The following PTCHD4 variants were observed in gnomAD, a reference collection of about 807,000 sequenced individuals.
PTCHD4 encodes patched domain-containing protein 4.
A neutral mutation model predicts 58.1 loss-of-function variants in PTCHD4; 33 were observed. The ratio of observed to expected loss-of-function variants is 0.57; its 90% CI spans 0.43 to 0.76. The LOEUF (loss-of-function observed/expected upper bound fraction) is 0.76, where lower values mean the gene tolerates loss of function less well. PTCHD4 is among the 30% of genes least tolerant of loss of function. The probability of loss-of-function intolerance (pLI) is 0.00; values close to 1 mark genes in which losing one functional copy is unlikely to be tolerated. For synonymous variants in PTCHD4, 478 were observed against 409.6 expected (o/e 1.17, Z -2.02); for missense variants, 1,058 against 1,027.1 (o/e 1.03, Z -0.41).
intron 4 of PTCHD4, among the ~76,000 whole-genome samples, chr6:47,952,247 G>A (rs910168467): frequency 3.2e-4 from 48 of 152,076 alleles, no homozygotes; most frequent in African/African-American, 1.1e-3. Context: ...GTTCCCCAAA[G>A]GAAGAATTAA....
intron 4 of PTCHD4, among the ~76,000 whole-genome samples, chr6:47,972,598 T>C (rs1457371361): frequency 1.3e-5 from 2 of 152,044 alleles, no homozygotes; most frequent in East Asian, 1.9e-4. Flanking sequence ...AAAATTCTTT[T>C]GCTTTTTAAA....
At chr6:48,039,121 C>T (rs1763751545) in intron 3 of PTCHD4, among the ~76,000 whole-genome samples, 1 of 152,092 alleles carries the variant, frequency 6.6e-6, no homozygotes, top group African/African-American at 2.4e-5. Context: ...GTATTATCTA[C>T]AGTGGCCCCA....
At chr6:48,097,412 TCAAGA>T (rs945441692) in intron 1 of PTCHD4, among the ~76,000 whole-genome samples, 3 of 152,100 alleles carry the variant, frequency 2.0e-5, no homozygotes, top group Non-Finnish European at 2.9e-5. Context: ...AAATTGAAAC[TCAAGA>T]AGTGTAGATC....
At chr6:47,894,504 G>T (rs1449121331) in intron 4 of PTCHD4, among the ~76,000 whole-genome samples, 2 of 152,148 alleles carry the variant, frequency 1.3e-5, no homozygotes, top group Admixed American at 1.3e-4. Flanking sequence ...GCAAGACAAA[G>T]AATGCAAACT....
intron 1 of PTCHD4, among the ~76,000 whole-genome samples, chr6:48,094,687 A>G (rs538458930): frequency 1.3e-5 from 2 of 152,340 alleles, no homozygotes; most frequent in East Asian, 3.9e-4. Context: ...AAGAAATGTG[A>G]CTGATGGCCT....
intron 4 of PTCHD4, among the ~76,000 whole-genome samples, chr6:47,882,741 G>GATATATATATATATATAT (rs1554149146): frequency 8.2e-4 from 84 of 102,432 alleles, no homozygotes; most frequent in African/African-American, 9.8e-4. Flanking sequence ...TGATTCCAGT[G>GATATATATATATATATAT]ATATATATAT....
chr6:48,110,334 G>A (rs892076483), intron 1 of PTCHD4, among the ~76,000 whole-genome samples: 1 of 152,010 alleles, frequency 6.6e-6, no homozygotes, highest in Non-Finnish European at 1.5e-5. Flanking sequence ...TGAACCTGAA[G>A]GACACTTTGC....
chr6:47,912,248 C>G (rs775656363), intron 4 of PTCHD4, among the ~76,000 whole-genome samples: 3 of 152,052 alleles, frequency 2.0e-5, no homozygotes, highest in African/African-American at 4.8e-5. Context: ...CCTTCTTGAT[C>G]TAGAAAAGGA....
At chr6:48,048,168 T>C (rs1268074485) in intron 3 of PTCHD4, among the ~76,000 whole-genome samples, 1 of 151,922 alleles carries the variant, frequency 6.6e-6, no homozygotes, top group Non-Finnish European at 1.5e-5. Flanking sequence ...CAGGGTTGTA[T>C]GAAAATGCTA....
chr6:48,001,908 T>A (rs1240228797), intron 4 of PTCHD4, among the ~76,000 whole-genome samples: 1 of 152,106 alleles, frequency 6.6e-6, no homozygotes, highest in Non-Finnish European at 1.5e-5. Flanking sequence ...CAAACAAATT[T>A]ACAAGAAAAA....
At chr6:48,001,677 A>G (rs1768727607) in intron 4 of PTCHD4, among the ~76,000 whole-genome samples, 1 of 152,228 alleles carries the variant, frequency 6.6e-6, no homozygotes, top group Admixed American at 6.5e-5. Context: ...CCTAGGCAAT[A>G]CCATTCAGGA....
intron 4 of PTCHD4, chr6:47,901,332 G>T: frequency 1.7e-6 from 1 of 585,648 alleles, no homozygotes. Context: ...TTTTTGTCTG[G>T]TTTTAGTATC....
intron 4 of PTCHD4, among the ~76,000 whole-genome samples, chr6:47,988,616 T>C (rs1581979164): frequency 6.6e-6 from 1 of 152,158 alleles, no homozygotes; most frequent in East Asian, 1.9e-4. Flanking sequence ...CCCCATACTG[T>C]TCTTGTGGTA....
At chr6:47,897,367 G>A (rs777982321) in intron 4 of PTCHD4, among the ~76,000 whole-genome samples, 12 of 152,300 alleles carry the variant, frequency 7.9e-5, no homozygotes, top group Middle Eastern at 6.8e-3. Context: ...AGTAAGAAGC[G>A]CCAAGGCTTG....
intron 4 of PTCHD4, among the ~76,000 whole-genome samples, chr6:47,904,399 C>T (rs1281988701): frequency 6.6e-6 from 1 of 152,216 alleles, no homozygotes; most frequent in African/African-American, 2.4e-5. Context: ...AACACAGTCA[C>T]ACTCATTCAT....
chr6:48,013,993 G>C (rs1173751514), intron 3 of PTCHD4, among the ~76,000 whole-genome samples: 1 of 152,036 alleles, frequency 6.6e-6, no homozygotes, highest in Non-Finnish European at 1.5e-5. Context: ...AGTTTGGCTA[G>C]CTGCTAACTC....
intron 1 of PTCHD4, among the ~76,000 whole-genome samples, chr6:48,108,114 G>T (rs776048172): frequency 6.6e-6 from 1 of 152,136 alleles, no homozygotes; most frequent in African/African-American, 2.4e-5. Flanking sequence ...TATACCCAAA[G>T]GATTATAAAT....
At chr6:47,932,382 A>G (rs1765853624) in intron 4 of PTCHD4, among the ~76,000 whole-genome samples, 1 of 152,216 alleles carries the variant, frequency 6.6e-6, no homozygotes. Context: ...GATGGGGGCT[A>G]GAGGTGGAAA....
At chr6:48,045,490 C>T (rs1444177785) in intron 3 of PTCHD4, among the ~76,000 whole-genome samples, 1 of 151,770 alleles carries the variant, frequency 6.6e-6, no homozygotes, top group East Asian at 1.9e-4. Context: ...TAGCACTCCC[C>T]CTTTAGAGAC....
Sources: allele counts gnomAD v4.1 joint callset (sites outside exome capture counted in the v4.1 genomes callset), GRCh38; gene constraint gnomAD v4.1.1; transcripts MANE v1.5; gene names NCBI Gene and HGNC (gene_info 2026-07-23, HGNC 2026-07-21).